The following RAB38 variants were observed in gnomAD, a reference collection of about 807,000 sequenced individuals.
RAB38 encodes the protein ras-related protein Rab-38.
In RAB38, 15 loss-of-function variants were observed where a neutral mutation model predicts 18.4. That is an observed-to-expected ratio of 0.82 (90% CI 0.55 to 1.26). The LOEUF (loss-of-function observed/expected upper bound fraction) is 1.26. Ranked by LOEUF, RAB38 falls within the 50% of genes most tolerant of loss-of-function variation. The probability of loss-of-function intolerance (pLI) is 0.00; values close to 1 mark genes in which losing one functional copy is unlikely to be tolerated. For synonymous variants in RAB38, 101 were observed against 104.4 expected (o/e 0.97, Z 0.20); for missense variants, 294 against 267.4 (o/e 1.10, Z -0.69).
the RAB38 span, among the ~76,000 whole-genome samples, chr11:87,812,271 G>C: frequency 6.6e-6 from 1 of 151,858 alleles, no homozygotes; most frequent in African/African-American, 2.4e-5. Flanking sequence ...AACCTTCCTT[G>C]TCATTCTTGG....
the RAB38 span, among the ~76,000 whole-genome samples, chr11:87,944,734 G>A: frequency 8.5e-5 from 13 of 152,106 alleles, no homozygotes; most frequent in Admixed American, 7.9e-4. Flanking sequence ...TGGGTCCCCA[G>A]TTTCTACTTT....
At chr11:87,968,565 T>C in the RAB38 span, among the ~76,000 whole-genome samples, 2 of 113,580 alleles carry the variant, frequency 1.8e-5, no homozygotes, top group African/African-American at 5.7e-5. Context: ...ATACAGACAA[T>C]AATTCTATCA....
the RAB38 span, among the ~76,000 whole-genome samples, chr11:88,045,908 C>T: frequency 6.6e-6 from 1 of 152,140 alleles, no homozygotes; most frequent in African/African-American, 2.4e-5. Flanking sequence ...TTTAAGCACT[C>T]CTTTTAGTTA....
the RAB38 span, among the ~76,000 whole-genome samples, chr11:88,049,827 T>G: frequency 3.9e-3 from 594 of 152,318 alleles, 8 homozygotes; most frequent in African/African-American, 0.013. Context: ...AAATTCACCG[T>G]CTGGGCCAAA....
the RAB38 span, among the ~76,000 whole-genome samples, chr11:87,915,366 G>C: frequency 6.6e-6 from 1 of 152,132 alleles, no homozygotes; most frequent in Non-Finnish European, 1.5e-5. Context: ...TTGCAGTAAA[G>C]AAGCTGGCTA....
the RAB38 span, among the ~76,000 whole-genome samples, chr11:87,901,470 T>G: frequency 1.3e-5 from 2 of 151,644 alleles, no homozygotes; most frequent in African/African-American, 4.8e-5. Flanking sequence ...AAGAATTTTA[T>G]CCTCCTTTCA....
At chr11:88,047,036 T>G in the RAB38 span, among the ~76,000 whole-genome samples, 4 of 152,220 alleles carry the variant, frequency 2.6e-5, no homozygotes, top group East Asian at 1.9e-4. Flanking sequence ...CCCTCAATTC[T>G]GCGTGCAGCC....
intron 2 of RAB38, among the ~76,000 whole-genome samples, chr11:88,133,137 C>A (rs772709890): frequency 6.6e-6 from 1 of 152,088 alleles, no homozygotes; most frequent in African/African-American, 2.4e-5. Flanking sequence ...TTTAAACTGG[C>A]ATACGGACAG....
chr11:87,920,518 A>C, the RAB38 span, among the ~76,000 whole-genome samples: 1 of 152,112 alleles, frequency 6.6e-6, no homozygotes, highest in African/African-American at 2.4e-5. Flanking sequence ...TATGATTTCA[A>C]TCTTCTTCAA....
the RAB38 span, among the ~76,000 whole-genome samples, chr11:88,084,486 T>G: frequency 1.3e-3 from 201 of 151,880 alleles, 1 homozygote; most frequent in Admixed American, 2.0e-3. Flanking sequence ...TGGTGAAGGA[T>G]TCAGAGATCG....
intron 1 of RAB38, among the ~76,000 whole-genome samples, chr11:88,170,096 C>T (rs1408758829): frequency 1.3e-5 from 2 of 152,312 alleles, no homozygotes; most frequent in Admixed American, 1.3e-4. Flanking sequence ...AATCAGTCCT[C>T]TAAAACCCAG....
chr11:87,934,862 G>A, the RAB38 span, among the ~76,000 whole-genome samples: 2 of 152,096 alleles, frequency 1.3e-5, no homozygotes, highest in Admixed American at 6.6e-5. Flanking sequence ...AGCAGTTGCA[G>A]CAAACAGCTA....
chr11:88,152,773 T>C (rs1471937104), intron 1 of RAB38, among the ~76,000 whole-genome samples: 1 of 152,230 alleles, frequency 6.6e-6, no homozygotes, highest in Non-Finnish European at 1.5e-5. Flanking sequence ...AAAATGACTA[T>C]AATTCAAAAA....
chr11:87,849,119 G>T, the RAB38 span, among the ~76,000 whole-genome samples: 995 of 152,034 alleles, frequency 6.5e-3, 12 homozygotes, highest in African/African-American at 0.023. Flanking sequence ...CATGACTTTC[G>T]CCACCATAGA....
chr11:87,957,662 G>A, the RAB38 span, among the ~76,000 whole-genome samples: 2 of 152,086 alleles, frequency 1.3e-5, no homozygotes, highest in Non-Finnish European at 2.9e-5. Flanking sequence ...CTCATGACCT[G>A]CTTTCAGGGA....
chr11:87,953,555 T>TAAAATATAATTGTTTAC, the RAB38 span, among the ~76,000 whole-genome samples: 1 of 152,186 alleles, frequency 6.6e-6, no homozygotes, highest in African/African-American at 2.4e-5. Flanking sequence ...GTCTGTCCTT[T>TAAAATATAATTGTTTAC]AAAATATAAT....
chr11:88,087,734 T>C, the RAB38 span, among the ~76,000 whole-genome samples: 33,555 of 151,836 alleles, frequency 0.22, 4,705 homozygotes, highest in African/African-American at 0.39. Context: ...GCTCTTACCA[T>C]AGCAACTGCA....
At chr11:87,889,359 A>G in the RAB38 span, among the ~76,000 whole-genome samples, 1 of 152,044 alleles carries the variant, frequency 6.6e-6, no homozygotes, top group East Asian at 2.0e-4. Flanking sequence ...CCCTGTGCCC[A>G]GGATGGGGCC....
the RAB38 span, chr11:87,816,886 T>G: frequency 6.6e-6 from 1 of 152,132 alleles, no homozygotes; most frequent in South Asian, 2.1e-4. Context: ...CAGGTACCCC[T>G]TCCAGATGAT....
Sources: gnomAD v4.1 joint callset for allele counts (sites outside exome capture counted in the v4.1 genomes callset) on GRCh38, gnomAD v4.1.1 for gene constraint, MANE v1.5 for transcripts, NCBI Gene and HGNC (gene_info 2026-07-23, HGNC 2026-07-21) for gene names.